The following SNX13 variants were observed in gnomAD, a reference collection of about 807,000 sequenced individuals.
SNX13 encodes sorting nexin 13.
SNX13 carries 45 observed loss-of-function variants against 133.6 expected under a neutral mutation model. The observed-to-expected ratio is 0.34, with a 90% CI of 0.27 to 0.43. SNX13 has a LOEUF of 0.43. Among genes scored for constraint, SNX13 ranks in the 20% least tolerant of loss-of-function variants. The pLI is 1.00. For synonymous variants in SNX13, 414 were observed against 373.9 expected, an observed-to-expected ratio of 1.11 and a Z score of -1.24; for missense variants, 1,032 against 1,145.1, an observed-to-expected ratio of 0.90 and a Z score of 1.43.
At chr7:17,908,468 C>A (rs1384349015) in intron 1 of SNX13, among the ~76,000 whole-genome samples, 1 of 152,108 alleles carries the variant, frequency 6.6e-6, no homozygotes, top group Admixed American at 6.5e-5. Flanking sequence ...CTATCAAGTT[C>A]CCCTCAAGAA....
At chr7:17,939,463 T>C (rs1193690194) in intron 1 of SNX13, among the ~76,000 whole-genome samples, 2 of 152,252 alleles carry the variant, frequency 1.3e-5, no homozygotes, top group Admixed American at 6.5e-5. Flanking sequence ...AAGTACCTAG[T>C]TGCACCGATT....
intron 1 of SNX13, among the ~76,000 whole-genome samples, chr7:17,924,261 A>G (rs1461029371): frequency 6.6e-6 from 1 of 152,224 alleles, no homozygotes; most frequent in Non-Finnish European, 1.5e-5. Context: ...CTCGAAATAT[A>G]CAAAGAATTA....
At chr7:17,911,588 A>T (rs1014804401) in intron 1 of SNX13, among the ~76,000 whole-genome samples, 1 of 151,492 alleles carries the variant, frequency 6.6e-6, no homozygotes, top group Non-Finnish European at 1.5e-5. Flanking sequence ...CAGTGAGCCA[A>T]GATCGCGCCA....
chr7:17,809,287 A>C (rs1174344989), intron 20 of SNX13, among the ~76,000 whole-genome samples: 1 of 146,382 alleles, frequency 6.8e-6, no homozygotes, highest in Admixed American at 6.7e-5. Flanking sequence ...GAAAGCAAAA[A>C]AAAAAAAAAA....
At chr7:17,933,480 T>G (rs924245589) in intron 1 of SNX13, among the ~76,000 whole-genome samples, 1 of 151,630 alleles carries the variant, frequency 6.6e-6, no homozygotes, top group Non-Finnish European at 1.5e-5. Flanking sequence ...GAGACAGAGC[T>G]TGCAGTGAGC....
chr7:17,922,810 A>G (rs1030929391), intron 1 of SNX13, among the ~76,000 whole-genome samples: 1 of 152,210 alleles, frequency 6.6e-6, no homozygotes, highest in Admixed American at 6.5e-5. Context: ...AATTCACAAC[A>G]CTACCTTTAA....
chr7:17,912,299 C>T (rs929695361), intron 1 of SNX13, among the ~76,000 whole-genome samples: 8 of 152,098 alleles, frequency 5.3e-5, no homozygotes, highest in Admixed American at 3.9e-4. Flanking sequence ...TGGGAGAGCG[C>T]CCTGTTTCTC....
chr7:17,887,057 A>G (rs1796088794), intron 5 of SNX13, among the ~76,000 whole-genome samples: 1 of 152,108 alleles, frequency 6.6e-6, no homozygotes, highest in Non-Finnish European at 1.5e-5. Flanking sequence ...ATAACAGAGA[A>G]GTTAACTTTA....
rs1798913622 is a variant in SNX13, at chr7:17,910,955, C to T, written c.13-13509G>A. ...TTAGGGTGATAAAAATGTTCTGACACTAATTAGAGGTGGTGGTTGCATACC... is the reference window on the plus strand; with the variant it reads ...TTAGGGTGATAAAAATGTTCTGACATTAATTAGAGGTGGTGGTTGCATACC... On this transcript the variant is annotated intron_variant, in intron 1 of 25. Coordinates refer to ENST00000428135, the MANE Select transcript of SNX13 (RefSeq NM_015132.5). Among the ~76,000 whole-genome samples, 4 of 152,296 alleles carry T rather than the reference C, an allele frequency of 2.6e-5. No homozygotes were observed. The South Asian group carries it at 8.3e-4, about 32-fold the overall frequency.
At chr7:17,934,427 C>G (rs1482353605) in intron 1 of SNX13, among the ~76,000 whole-genome samples, 1 of 152,152 alleles carries the variant, frequency 6.6e-6, no homozygotes, top group Non-Finnish European at 1.5e-5. Flanking sequence ...CCTGGTAAAG[C>G]ATTCCTTTGG....
rs554499242 is a variant in SNX13 at position 17,868,071 on chromosome 7, T to C, written c.837+336A>G. Among the ~76,000 whole-genome samples, 6 of 152,258 alleles carry C rather than the reference T, an allele frequency of 3.9e-5. No individual in the cohort carries two copies. The South Asian group carries it at 6.2e-4, about 16-fold the overall frequency. On this transcript the variant is annotated intron_variant, in intron 9 of 25. Coordinates refer to ENST00000428135, the MANE Select transcript of SNX13 (RefSeq NM_015132.5). Reference sequence around the variant, plus strand: ...TATAAAATGTGAGTTACATGTCAAGTAGTTCAAATCCCAAGTTGTATTTAA... The same window carrying C: ...TATAAAATGTGAGTTACATGTCAAGCAGTTCAAATCCCAAGTTGTATTTAA...
chr7:17,932,530 T>C (rs1801505043), intron 1 of SNX13, among the ~76,000 whole-genome samples: 1 of 152,248 alleles, frequency 6.6e-6, no homozygotes, highest in Non-Finnish European at 1.5e-5. Flanking sequence ...TCAACATTCA[T>C]TCATTCAACA....
At chr7:17,913,109 C>T (rs73310185) in intron 1 of SNX13, among the ~76,000 whole-genome samples, 5,506 of 152,236 alleles carry the variant, frequency 0.036, 315 homozygotes, top group African/African-American at 0.12. Context: ...GACTCCACTC[C>T]CATGGAGATC....
rs1401136373 is a variant in SNX13, at chr7:17,814,849, C to G, written c.2049G>C (p.Gly683=). ...GCTTACTTACCTTGCGAGCAAAATCCCCTTTTCCTTTACTGTAGGCTTTGT... is the reference window on the plus strand; with the variant it reads ...GCTTACTTACCTTGCGAGCAAAATCGCCTTTTCCTTTACTGTAGGCTTTGT... The part of the protein sequence containing the change: ...LENKAYSKGK[G]DFARKMDTFV... Residue 683 remains glycine, a synonymous_variant, in exon 20 of 26, where the codon GGG becomes GGC. Coordinates refer to ENST00000428135, the MANE Select transcript of SNX13 (RefSeq NM_015132.5). 22 of 1,543,268 alleles carry G rather than the reference C, an allele frequency of 1.4e-5. No individual in the cohort carries two copies. Among genetic ancestry groups the G allele is most frequent in the Non-Finnish European group, 1.7e-5 (20 of 1,150,020 alleles).
At chr7:17,855,406 T>C (rs1010510912) in intron 9 of SNX13, among the ~76,000 whole-genome samples, 3 of 152,204 alleles carry the variant, frequency 2.0e-5, no homozygotes, top group African/African-American at 4.8e-5. Flanking sequence ...GGAGAAAAGA[T>C]GCCATCTACT....
intron 1 of SNX13, among the ~76,000 whole-genome samples, chr7:17,909,857 T>C (rs182799834): frequency 1.1e-3 from 163 of 152,316 alleles, no homozygotes; most frequent in Admixed American, 2.9e-3. Context: ...CCTGCACATG[T>C]ACCCCTGAAC....
intron 9 of SNX13, among the ~76,000 whole-genome samples, chr7:17,862,432 A>G (rs1435462265): frequency 6.6e-6 from 1 of 152,220 alleles, no homozygotes; most frequent in Non-Finnish European, 1.5e-5. Context: ...ACTCATTGCA[A>G]GTGAAATGAA....
intron 9 of SNX13, among the ~76,000 whole-genome samples, chr7:17,865,597 C>A (rs1183242314): frequency 6.6e-6 from 1 of 152,186 alleles, no homozygotes; most frequent in East Asian, 1.9e-4. Context: ...TATCAAAATA[C>A]CAATAACCTT....
At chr7:17,928,167 G>C (rs984480674) in intron 1 of SNX13, among the ~76,000 whole-genome samples, 2 of 152,130 alleles carry the variant, frequency 1.3e-5, no homozygotes, top group Non-Finnish European at 2.9e-5. Flanking sequence ...ATGAAAAGGA[G>C]CACCCTCTAA....
Sources: allele counts gnomAD v4.1 joint callset (sites outside exome capture counted in the v4.1 genomes callset), GRCh38; gene constraint gnomAD v4.1.1; transcripts MANE v1.5; gene names NCBI Gene and HGNC (gene_info 2026-07-23, HGNC 2026-07-21).